LINGO2: variants seen among roughly 807,000 people sequenced by gnomAD.
The protein encoded by LINGO2 is leucine rich repeat and Ig domain containing 2, also known as leucine-rich repeat and immunoglobulin-like domain-containing nogo receptor-interacting protein 2.
Under a neutral mutation model 30.6 loss-of-function variants are expected in LINGO2, and 14 were observed. The ratio of observed to expected loss-of-function variants is 0.46; its 90% CI spans 0.30 to 0.72. The LOEUF (loss-of-function observed/expected upper bound fraction) is 0.72, where lower values mean the gene tolerates loss of function less well. LINGO2 is among the 30% of genes least tolerant of loss of function. The pLI, the probability that LINGO2 is intolerant of heterozygous loss-of-function variation, is 0.07. For missense variants in LINGO2, 729 were observed against 751.7 expected, an observed-to-expected ratio of 0.97 and a Z score of 0.35; for synonymous variants, 317 against 288.5, an observed-to-expected ratio of 1.10 and a Z score of -1.00.
chr9:29,078,389 A>C, the LINGO2 span, among the ~76,000 whole-genome samples: 2 of 152,026 alleles, frequency 1.3e-5, no homozygotes, highest in Admixed American at 1.3e-4. Context: ...ACTAGTAATA[A>C]AAATCTTATA....
intron 4 of LINGO2, among the ~76,000 whole-genome samples, chr9:28,138,177 T>A (rs1424077265): frequency 2.0e-5 from 3 of 152,180 alleles, no homozygotes; most frequent in Non-Finnish European, 4.4e-5. Flanking sequence ...CTTAGCTCCA[T>A]CTATCTCAAG....
At chr9:29,133,109 C>T in the LINGO2 span, among the ~76,000 whole-genome samples, 1 of 152,120 alleles carries the variant, frequency 6.6e-6, no homozygotes, top group South Asian at 2.1e-4. Context: ...CCCAGTCTAT[C>T]AATAATGACA....
chr9:28,347,351 A>T (rs1819625913), intron 3 of LINGO2, among the ~76,000 whole-genome samples: 2 of 152,162 alleles, frequency 1.3e-5, no homozygotes, highest in Admixed American at 1.3e-4. Flanking sequence ...CAGGAAAGTC[A>T]TCTGAGTAAA....
intron 4 of LINGO2, among the ~76,000 whole-genome samples, chr9:28,204,451 T>A (rs1195795628): frequency 6.6e-6 from 1 of 152,192 alleles, no homozygotes; most frequent in African/African-American, 2.4e-5. Flanking sequence ...TTTTCTATTT[T>A]GTATTATCTT....
At chr9:29,033,768 T>C in the LINGO2 span, among the ~76,000 whole-genome samples, 1 of 152,106 alleles carries the variant, frequency 6.6e-6, no homozygotes, top group East Asian at 1.9e-4. Context: ...AAATTCTGGT[T>C]TCCTGAGATC....
chr9:28,769,016 T>C, the LINGO2 span, among the ~76,000 whole-genome samples: 1 of 152,100 alleles, frequency 6.6e-6, no homozygotes, highest in Non-Finnish European at 1.5e-5. Flanking sequence ...TTCTTCGTAT[T>C]ATACAAACAG....
rs574800054 is a variant in LINGO2, at chr9:28,125,562, A to G, written c.-86-113157T>C. ...TTTTTCTGCAGCCAAATTAGACCCA[A>G]CCTTATGAACATATGCTGTTGACTG... On this transcript the variant is annotated intron_variant, in intron 4 of 5. Transcript: ENST00000379992. 2.0e-5 allele frequency among the ~76,000 whole-genome samples: 3 copies of G among 152,270 alleles called. No homozygotes were observed. In the East Asian group the frequency reaches 5.8e-4, roughly 29 times the overall value.
At chr9:28,762,608 C>A in the LINGO2 span, among the ~76,000 whole-genome samples, 875 of 152,102 alleles carry the variant, frequency 5.8e-3, 16 homozygotes, top group African/African-American at 0.02. Flanking sequence ...AGTTTTACAA[C>A]CCCCTTGGAC....
the LINGO2 span, among the ~76,000 whole-genome samples, chr9:29,205,524 T>C: frequency 6.6e-6 from 1 of 152,210 alleles, no homozygotes; most frequent in African/African-American, 2.4e-5. Flanking sequence ...GATATTGGCC[T>C]GTTGTTTTAT....
At chr9:28,601,648 A>G (rs926279960) in intron 1 of LINGO2, among the ~76,000 whole-genome samples, 1 of 152,048 alleles carries the variant, frequency 6.6e-6, no homozygotes, top group Non-Finnish European at 1.5e-5. Context: ...ACCATTTCAC[A>G]TTCGTTAGCA....
At chr9:29,153,919 A>G in the LINGO2 span, among the ~76,000 whole-genome samples, 213 of 152,298 alleles carry the variant, frequency 1.4e-3, 2 homozygotes, top group African/African-American at 4.9e-3. Context: ...AACTGCCTCA[A>G]CCTTGACTTT....
At chr9:29,094,060 T>C in the LINGO2 span, among the ~76,000 whole-genome samples, 1 of 139,096 alleles carries the variant, frequency 7.2e-6, no homozygotes, top group South Asian at 2.2e-4. Flanking sequence ...CTATATACTC[T>C]AGTTTCTGAA....
the LINGO2 span, among the ~76,000 whole-genome samples, chr9:29,062,957 C>T: frequency 6.6e-6 from 1 of 152,080 alleles, no homozygotes; most frequent in African/African-American, 2.4e-5. Flanking sequence ...GACCAGATTA[C>T]GTTCTAGACT....
At chr9:29,118,737 G>C in the LINGO2 span, among the ~76,000 whole-genome samples, 3 of 152,126 alleles carry the variant, frequency 2.0e-5, no homozygotes, top group East Asian at 3.9e-4. Context: ...GAGGAGTCAT[G>C]CTCGCTACCT....
the LINGO2 span, among the ~76,000 whole-genome samples, chr9:28,797,359 TAGAGAG>T: frequency 7.9e-4 from 27 of 34,210 alleles, no homozygotes; most frequent in South Asian, 2.0e-3. Flanking sequence ...TATATATATA[TAGAGAG>T]AGAGAGAGAG....
the LINGO2 span, among the ~76,000 whole-genome samples, chr9:29,092,363 A>G: frequency 6.6e-6 from 1 of 151,992 alleles, no homozygotes; most frequent in Non-Finnish European, 1.5e-5. Flanking sequence ...ATCCCCAAAA[A>G]AGGATATTCT....
At chr9:28,701,788 AT>A in the LINGO2 span, among the ~76,000 whole-genome samples, 1 of 151,946 alleles carries the variant, frequency 6.6e-6, no homozygotes, top group Non-Finnish European at 1.5e-5. Flanking sequence ...CTATCTCTCC[AT>A]TTGGTACTTC....
intron 1 of LINGO2, among the ~76,000 whole-genome samples, chr9:28,610,844 A>C (rs1825886183): frequency 6.6e-6 from 1 of 152,280 alleles, no homozygotes; most frequent in South Asian, 2.1e-4. Context: ...CACTTTCTCC[A>C]CATCTTTAGT....
chr9:27,963,661 CTTT>C (rs140507820), intron 5 of LINGO2, among the ~76,000 whole-genome samples: 1 of 150,010 alleles, frequency 6.7e-6, no homozygotes, highest in Admixed American at 6.6e-5. Flanking sequence ...ATCTATAAGA[CTTT>C]TTTGTTTTTT....
Sources: gnomAD v4.1 joint callset for allele counts (sites outside exome capture counted in the v4.1 genomes callset) on GRCh38, gnomAD v4.1.1 for gene constraint, MANE v1.5 for transcripts, NCBI Gene and HGNC (gene_info 2026-07-23, HGNC 2026-07-21) for gene names.